Variants in IPO7 observed in about 807,000 individuals in gnomAD.
IPO7 encodes the protein importin-7.
A neutral mutation model predicts 136.4 loss-of-function variants in IPO7; 13 were observed. The ratio of observed to expected loss-of-function variants is 0.10; its 90% CI spans 0.06 to 0.15. The LOEUF (loss-of-function observed/expected upper bound fraction) is 0.15. Ranked by LOEUF, IPO7 falls within the 10% of genes least tolerant of loss-of-function variation. The pLI is 1.00. For missense variants in IPO7, 857 were observed against 1,240.6 expected, an observed-to-expected ratio of 0.69 and a Z score of 4.65; for synonymous variants, 403 against 404.4, an observed-to-expected ratio of 1.00 and a Z score of 0.04.
chr11:9,404,715 G>C (rs928597408), intron 2 of IPO7, among the ~76,000 whole-genome samples: 2 of 151,338 alleles, frequency 1.3e-5, no homozygotes, highest in Non-Finnish European at 2.9e-5. Context: ...ACAGGCGCCC[G>C]CCACCACACC....
In IPO7 at chr11:9,414,421, G is replaced by C; in HGVS notation, c.636+10G>C. The stretch of plus-strand genomic sequence containing the variant: ...CTATGCTCTTGTTCAGGTAATATCT[G>C]TGAAGCAGTTTTTATGCATAAAAAG... On this transcript the variant is annotated intron_variant, in intron 5 of 24. Coordinates refer to ENST00000379719, the MANE Select transcript of IPO7 (RefSeq NM_006391.3). The C allele has an allele frequency of 1.3e-6, 2 of 1,549,084 alleles. No individual in the cohort carries two copies. Among genetic ancestry groups the C allele is most frequent in the Non-Finnish European group, 1.7e-6 (2 of 1,146,486 alleles).
At chr11:9,420,858 A>T (rs1326630197) in intron 8 of IPO7, among the ~76,000 whole-genome samples, 160 bp downstream of exon 8, 1 of 152,198 alleles carries the variant, frequency 6.6e-6, no homozygotes, top group African/African-American at 2.4e-5. Context: ...TGTTCAAATT[A>T]CTTAGGATAC....
intron 4 of IPO7, among the ~76,000 whole-genome samples, chr11:9,411,811 A>G (rs1232717586): frequency 1.3e-5 from 2 of 152,304 alleles, no homozygotes; most frequent in South Asian, 2.1e-4. Context: ...GTTTGGTACC[A>G]TAATTTTTTA....
intron 22 of IPO7, among the ~76,000 whole-genome samples, chr11:9,439,843 G>A (rs951376647): frequency 6.6e-6 from 1 of 152,146 alleles, no homozygotes; most frequent in African/African-American, 2.4e-5. Context: ...AAAGTGTTGG[G>A]ATTACAGGCG....
chr11:9,429,853 C>T lies in IPO7; in HGVS notation c.1752+19C>T, dbSNP rs1312235533. On this transcript the variant is annotated intron_variant, in intron 15 of 24. Coordinates refer to ENST00000379719, the MANE Select transcript of IPO7 (RefSeq NM_006391.3). ...ACATTTGGTATGTTGTTTGAACCTA[C>T]CATATTTGCAAGCATTTTAATGTAG... The T allele has an allele frequency of 4.5e-6, 7 of 1,552,894 alleles. No homozygotes were observed. Among genetic ancestry groups the T allele is most frequent in the Non-Finnish European group, 4.4e-6 (5 of 1,149,308 alleles).
At chr11:9,441,576 G>C (rs1481325493) in intron 23 of IPO7, among the ~76,000 whole-genome samples, 1 of 152,190 alleles carries the variant, frequency 6.6e-6, no homozygotes, top group Admixed American at 6.5e-5. Context: ...AGCACAAAGT[G>C]CTGGTTTCTG....
chr11:9,433,429 G>A, intron 16 of IPO7, 141 bp from the exon 17 acceptor site: 1 of 599,690 alleles, frequency 1.7e-6, no homozygotes, highest in Non-Finnish European at 2.9e-6. Context: ...ATTTCATAAT[G>A]TGTAAGTCAT....
At position 9,393,717 on chromosome 11, in the gene IPO7, C is replaced by A. The variant is rs530372965; in HGVS notation, c.84+8870C>A. On this transcript the variant is annotated intron_variant, in intron 1 of 24. Transcript: ENST00000379719. The stretch of plus-strand genomic sequence containing the variant: ...TTTTCTTACATAGATTTAATAAATT[C>A]TCTACCAAAGAGCATGAATTACTTT... 1.3e-4 allele frequency among the ~76,000 whole-genome samples: 19 copies of A among 151,876 alleles called. No individual in the cohort carries two copies. In the East Asian group the frequency reaches 2.9e-3, roughly 23 times the overall value.
rs751970648 is a variant in IPO7, at chr11:9,414,299, A to G, written c.524A>G (p.Gln175Arg). ...EERSPLVAAMQHFLPVLKDRF... is the reference protein window; with the variant it reads ...EERSPLVAAMRHFLPVLKDRF... ...CGGAGTCCATTGGTAGCAGCAATGCAGCATTTTCTGCCAGTTCTAAAGGAT... is the reference window on the plus strand; with the variant it reads ...CGGAGTCCATTGGTAGCAGCAATGCGGCATTTTCTGCCAGTTCTAAAGGAT... Residue 175 changes from glutamine to arginine, a missense_variant, in exon 5 of 25, where the codon CAG becomes CGG. By Grantham distance (43) the Gln-to-Arg change is conservative (BLOSUM62 1). Around this residue, in one of 11 missense-constraint regions of IPO7, gnomAD observed 287 missense variants for 307.5 expected, o/e 0.93. Coordinates refer to ENST00000379719, the MANE Select transcript of IPO7 (RefSeq NM_006391.3). 3 of 1,613,316 alleles carry G rather than the reference A, an allele frequency of 1.9e-6. No individual in the cohort carries two copies. The Admixed American group carries it at 5.0e-5, about 27-fold the overall frequency.
chr11:9,405,455 G>A (rs918742064), intron 2 of IPO7, among the ~76,000 whole-genome samples: 1 of 152,110 alleles, frequency 6.6e-6, no homozygotes, highest in African/African-American at 2.4e-5. Context: ...GATTACAGGC[G>A]TGAGCCACCG....
intron 15 of IPO7, chr11:9,430,437 C>A (rs1281959027): frequency 6.4e-6 from 1 of 156,524 alleles, no homozygotes; most frequent in Non-Finnish European, 1.4e-5. Flanking sequence ...CGGGCTGCAG[C>A]ATGACTATCT....
chr11:9,396,503 C>T (rs949029891), intron 1 of IPO7, among the ~76,000 whole-genome samples: 67 of 152,216 alleles, frequency 4.4e-4, no homozygotes, highest in African/African-American at 1.6e-3. Flanking sequence ...CACAGTTGTA[C>T]AGCCATCACC....
Position 9,447,349 on chromosome 11 carries a change from A to C in IPO7, c.*2155A>C, listed in dbSNP as rs1202377770. ...TCTCCTGTGTCATATAATCCAAACT[A>C]ATCTCCGTTTACAGACTTTAACTTG... On this transcript the variant is annotated 3_prime_UTR_variant, in exon 25 of 25. Coordinates refer to ENST00000379719, the MANE Select transcript of IPO7 (RefSeq NM_006391.3). 2 of 152,176 alleles carry C rather than the reference A, an allele frequency of 1.3e-5. No individual in the cohort carries two copies. The highest frequency in any genetic ancestry group is 2.9e-5 in the Non-Finnish European group (2 of 68,010). The allele number at this position is 152,176 out of a possible 1,614,324, so 9.4% of individuals were successfully genotyped here. A position where few individuals can be genotyped will look rare whatever the true frequency, so the allele number is the denominator to read the frequency against.
At chr11:9,422,106 C>CGAT (rs1855141083) in intron 8 of IPO7, among the ~76,000 whole-genome samples, 1 of 151,910 alleles carries the variant, frequency 6.6e-6, no homozygotes, top group Non-Finnish European at 1.5e-5. Flanking sequence ...ATGGAGAAAT[C>CGAT]CTGTCTGTAC....
In IPO7 at chr11:9,425,401, G is replaced by A. The variant is rs1319184031; in HGVS notation, c.1335+139G>A. On this transcript the variant is annotated intron_variant, in intron 12 of 24. Coordinates refer to ENST00000379719, the MANE Select transcript of IPO7 (RefSeq NM_006391.3). ...GCAGGCAGATTGCCTGAGCCCAGGA[G>A]TTTGAGAACAGCCTGGGCAACATAG... 8 of 633,808 alleles carry A rather than the reference G, an allele frequency of 1.3e-5. No homozygotes were observed. In the Admixed American group the frequency reaches 2.1e-4, roughly 17 times the overall value. The allele number at this position is 633,808 out of a possible 1,614,324, so 39.3% of individuals were successfully genotyped here.
intron 23 of IPO7, among the ~76,000 whole-genome samples, chr11:9,441,579 G>T (rs1690605281): frequency 6.6e-6 from 1 of 152,194 alleles, no homozygotes; most frequent in Admixed American, 6.5e-5. Context: ...ACAAAGTGCT[G>T]GTTTCTGAGC....
At chr11:9,436,904 G>GA (rs1306329686) in intron 20 of IPO7, among the ~76,000 whole-genome samples, 3 of 43,960 alleles carry the variant, frequency 6.8e-5, no homozygotes, top group African/African-American at 3.3e-4. Context: ...TTTTTTTTTT[G>GA]AGACGCTGTC....
chr11:9,410,631 G>C (rs984809124), intron 4 of IPO7, among the ~76,000 whole-genome samples: 4 of 152,060 alleles, frequency 2.6e-5, no homozygotes, highest in Admixed American at 1.3e-4. Context: ...TAGGTCATTA[G>C]TATTAGAAAA....
intron 1 of IPO7, among the ~76,000 whole-genome samples, chr11:9,398,099 T>G (rs911531648): frequency 6.6e-6 from 1 of 152,230 alleles, no homozygotes; most frequent in Non-Finnish European, 1.5e-5. Context: ...TAGTGTCCTT[T>G]GGGCTCATCT....
Sources: allele counts gnomAD v4.1 joint callset (sites outside exome capture counted in the v4.1 genomes callset), GRCh38; gene constraint gnomAD v4.1.1; regional missense constraint gnomAD v4.1.1; transcripts MANE v1.5; gene names NCBI Gene and HGNC (gene_info 2026-07-23, HGNC 2026-07-21).